Variants in SGCZ observed in about 807,000 individuals in gnomAD.
SGCZ encodes zeta-sarcoglycan.
A neutral mutation model predicts 41.3 loss-of-function variants in SGCZ; 40 were observed. The observed-to-expected ratio is 0.97, with a 90% confidence interval of 0.75 to 1.26. The LOEUF (loss-of-function observed/expected upper bound fraction) is 1.26. Among genes scored for constraint, SGCZ ranks in the 50% most tolerant of loss-of-function variants. SGCZ has a pLI of 0.00. For synonymous variants in SGCZ, 206 were observed against 137.5 expected (o/e 1.50, Z -3.49); for missense variants, 552 against 369.8 (o/e 1.49, Z -4.04).
intron 2 of SGCZ, among the ~76,000 whole-genome samples, chr8:14,440,013 G>A (rs1242049669): frequency 1.3e-5 from 2 of 151,880 alleles, no homozygotes; most frequent in East Asian, 3.9e-4. Flanking sequence ...AAAAAAATTA[G>A]CCTCATAAAT....
intron 1 of SGCZ, among the ~76,000 whole-genome samples, chr8:14,850,256 A>ATAT (rs1219152573): frequency 1.2e-4 from 19 of 152,210 alleles, no homozygotes; most frequent in African/African-American, 4.1e-4. Context: ...AACAGTTAAA[A>ATAT]TATGCATGCA....
intron 1 of SGCZ, among the ~76,000 whole-genome samples, chr8:14,898,849 G>A (rs887729131): frequency 6.6e-6 from 1 of 152,178 alleles, no homozygotes; most frequent in African/African-American, 2.4e-5. Flanking sequence ...TGCATTGTGT[G>A]AGGATATTAT....
intron 1 of SGCZ, among the ~76,000 whole-genome samples, chr8:14,649,817 C>CA (rs1264670002): frequency 6.6e-6 from 1 of 151,984 alleles, no homozygotes; most frequent in African/African-American, 2.4e-5. Context: ...TACTTCCACC[C>CA]AAGGCAGGGC....
chr8:14,265,902 C>A (rs1357593998), intron 3 of SGCZ, among the ~76,000 whole-genome samples: 1 of 151,398 alleles, frequency 6.6e-6, no homozygotes, highest in Non-Finnish European at 1.5e-5. Flanking sequence ...CTAGTGAAGT[C>A]AGGGAGAGGA....
intron 2 of SGCZ, among the ~76,000 whole-genome samples, chr8:14,444,103 C>T (rs949816957): frequency 6.6e-6 from 1 of 152,116 alleles, no homozygotes; most frequent in African/African-American, 2.4e-5. Flanking sequence ...AAATCAAAAC[C>T]ACAATGAGAT....
intron 1 of SGCZ, among the ~76,000 whole-genome samples, chr8:15,018,000 A>G (rs1803105313): frequency 1.3e-5 from 2 of 152,078 alleles, no homozygotes; most frequent in African/African-American, 2.4e-5. Context: ...AAGTCTCTGG[A>G]GTTACAGGTG....
At chr8:15,096,249 G>C (rs1194272506) in intron 1 of SGCZ, among the ~76,000 whole-genome samples, 18 of 150,762 alleles carry the variant, frequency 1.2e-4, no homozygotes, top group Non-Finnish European at 2.1e-4. Context: ...GCTAACTTTT[G>C]GTAATTTTTT....
chr8:14,177,575 T>C (rs1250813071), intron 4 of SGCZ, among the ~76,000 whole-genome samples: 1 of 152,144 alleles, frequency 6.6e-6, no homozygotes, highest in Admixed American at 6.5e-5. Flanking sequence ...AGTGGCGCCA[T>C]CTGGGCTCAC....
chr8:14,747,583 A>G (rs1189642024), intron 1 of SGCZ, among the ~76,000 whole-genome samples: 1 of 151,984 alleles, frequency 6.6e-6, no homozygotes, highest in African/African-American at 2.4e-5. Context: ...ATAATTTGTT[A>G]TAATTTTTTT....
At chr8:14,838,788 C>A (rs1802795783) in intron 1 of SGCZ, among the ~76,000 whole-genome samples, 1 of 152,158 alleles carries the variant, frequency 6.6e-6, no homozygotes, top group Admixed American at 6.5e-5. Context: ...TTTCGTGGAG[C>A]TGCATCTGAC....
intron 1 of SGCZ, among the ~76,000 whole-genome samples, chr8:15,012,525 C>A (rs1802862126): frequency 1.1e-5 from 1 of 87,028 alleles, no homozygotes; most frequent in African/African-American, 6.1e-5. Context: ...TATACATAAA[C>A]ATATGAACAT....
intron 1 of SGCZ, among the ~76,000 whole-genome samples, chr8:15,121,090 G>C (rs1021672358): frequency 1.4e-4 from 22 of 152,132 alleles, no homozygotes; most frequent in Non-Finnish European, 8.8e-5. Context: ...CAATGATTTT[G>C]TAATGAAAAT....
chr8:14,397,957 T>C (rs1356683629), intron 2 of SGCZ, among the ~76,000 whole-genome samples: 1 of 152,162 alleles, frequency 6.6e-6, no homozygotes, highest in Non-Finnish European at 1.5e-5. Context: ...CTAGACATTC[T>C]GATGAATTCC....
At chr8:14,664,993 G>A (rs78169859) in intron 1 of SGCZ, among the ~76,000 whole-genome samples, 1 of 152,054 alleles carries the variant, frequency 6.6e-6, no homozygotes, top group Non-Finnish European at 1.5e-5. Flanking sequence ...ATTTTTAGGT[G>A]GGGGAATAAA....
chr8:14,594,285 G>C (rs1805337635), intron 1 of SGCZ, among the ~76,000 whole-genome samples: 2 of 151,754 alleles, frequency 1.3e-5, no homozygotes, highest in East Asian at 1.9e-4. Flanking sequence ...TGACAGCCAA[G>C]GATTTGCATC....
chr8:14,655,190 T>C (rs543643383), intron 1 of SGCZ, among the ~76,000 whole-genome samples: 29 of 152,254 alleles, frequency 1.9e-4, no homozygotes, highest in African/African-American at 5.8e-4. Context: ...GGGTATGAAC[T>C]GTAAGTTATT....
At chr8:14,501,606 T>C (rs977867949) in intron 2 of SGCZ, among the ~76,000 whole-genome samples, 1 of 123,924 alleles carries the variant, frequency 8.1e-6, no homozygotes, top group East Asian at 3.1e-4. Context: ...GATTTAGTTA[T>C]CCAGGTTTTT....
intron 3 of SGCZ, 95 bp downstream of exon 3, chr8:14,324,008 T>C (rs1458545959): frequency 2.7e-6 from 2 of 745,466 alleles, no homozygotes; most frequent in African/African-American, 1.8e-5. Context: ...ACTAAACACA[T>C]GCTGAAGAGA....
chr8:15,119,341 G>T (rs1305648884), intron 1 of SGCZ, among the ~76,000 whole-genome samples: 1 of 151,908 alleles, frequency 6.6e-6, no homozygotes, highest in Non-Finnish European at 1.5e-5. Context: ...GGCCATCCTA[G>T]ACAATATGGT....
Sources: gnomAD v4.1 joint callset for allele counts (sites outside exome capture counted in the v4.1 genomes callset) on GRCh38, gnomAD v4.1.1 for gene constraint, MANE v1.5 for transcripts, NCBI Gene and HGNC (gene_info 2026-07-23, HGNC 2026-07-21) for gene names.